UBE2E2: variants seen among roughly 807,000 people sequenced by gnomAD.
The protein encoded by UBE2E2 is ubiquitin conjugating enzyme E2 E2, also known as ubiquitin-conjugating enzyme E2 E2.
UBE2E2 carries 6 observed loss-of-function variants against 24.7 expected under a neutral mutation model. The ratio of observed to expected loss-of-function variants is 0.24; its 90% CI spans 0.13 to 0.48. The LOEUF (loss-of-function observed/expected upper bound fraction) is 0.48. Ranked by LOEUF, UBE2E2 falls within the 20% of genes least tolerant of loss-of-function variation. UBE2E2 has a pLI of 0.99. For synonymous variants in UBE2E2, 104 were observed against 83.6 expected, an observed-to-expected ratio of 1.24 and a Z score of -1.33; for missense variants, 169 against 245.0, an observed-to-expected ratio of 0.69 and a Z score of 2.07.
chr3:23,245,027 T>G (rs917575140), intron 3 of UBE2E2, among the ~76,000 whole-genome samples: 3 of 152,164 alleles, frequency 2.0e-5, no homozygotes, highest in African/African-American at 7.2e-5. Context: ...ATACTCCTTA[T>G]TTTCTTCTTA....
chr3:23,338,677 A>G (rs76552979), intron 3 of UBE2E2, among the ~76,000 whole-genome samples: 4,381 of 152,244 alleles, frequency 0.029, 108 homozygotes, highest in East Asian at 0.13. Flanking sequence ...TGTCAAAAGA[A>G]TGTATGAGCC....
At chr3:23,482,981 C>A (rs1699288516) in intron 3 of UBE2E2, among the ~76,000 whole-genome samples, 1 of 152,116 alleles carries the variant, frequency 6.6e-6, no homozygotes, top group African/African-American at 2.4e-5. Flanking sequence ...TTAGGACATA[C>A]CTATAATTTC....
intron 3 of UBE2E2, among the ~76,000 whole-genome samples, chr3:23,264,006 A>C (rs1456712117): frequency 6.6e-6 from 1 of 152,196 alleles, no homozygotes; most frequent in Non-Finnish European, 1.5e-5. Context: ...ATAACAGTTA[A>C]CATTACTGAG....
At chr3:23,520,946 GT>G (rs201561009) in intron 4 of UBE2E2, among the ~76,000 whole-genome samples, 75 of 151,410 alleles carry the variant, frequency 5.0e-4, no homozygotes, top group African/African-American at 1.4e-3. Flanking sequence ...CCCAGCTCAT[GT>G]TTTTTTTTAT....
At chr3:23,271,094 T>C in intron 3 of UBE2E2, 1 of 450,694 alleles carries the variant, frequency 2.2e-6, no homozygotes, top group South Asian at 1.6e-5. Context: ...ATAGCAGTAA[T>C]GAAGAGAAAT....
intron 3 of UBE2E2, among the ~76,000 whole-genome samples, chr3:23,272,145 G>C (rs1011786218): frequency 6.6e-6 from 1 of 152,192 alleles, no homozygotes; most frequent in African/African-American, 2.4e-5. Context: ...GCCATGGCGG[G>C]CTGCAGGTCC....
chr3:23,527,796 C>T (rs1695033459), intron 4 of UBE2E2, among the ~76,000 whole-genome samples: 1 of 152,146 alleles, frequency 6.6e-6, no homozygotes, highest in Admixed American at 6.5e-5. Flanking sequence ...CCCAAGAGGG[C>T]ATGGCAACTC....
At chr3:23,222,528 T>TA (rs1372245742) in intron 3 of UBE2E2, among the ~76,000 whole-genome samples, 1 of 152,180 alleles carries the variant, frequency 6.6e-6, no homozygotes, top group Non-Finnish European at 1.5e-5. Flanking sequence ...CTGATGGTTT[T>TA]ATAAGGGGAA....
At chr3:23,260,801 T>C (rs1408338124) in intron 3 of UBE2E2, among the ~76,000 whole-genome samples, 3 of 151,742 alleles carry the variant, frequency 2.0e-5, no homozygotes, top group South Asian at 4.2e-4. Flanking sequence ...CAGGTGGGGG[T>C]TGGAGGGAGA....
At chr3:23,281,433 C>G (rs1039906675) in intron 3 of UBE2E2, among the ~76,000 whole-genome samples, 3 of 152,114 alleles carry the variant, frequency 2.0e-5, no homozygotes, top group African/African-American at 7.2e-5. Flanking sequence ...AAGTTTGAGA[C>G]CAGCCTGGGC....
chr3:23,417,291 C>T (rs1462963745), intron 3 of UBE2E2, among the ~76,000 whole-genome samples: 4 of 152,176 alleles, frequency 2.6e-5, no homozygotes, highest in Non-Finnish European at 4.4e-5. Flanking sequence ...TGTTCATTTT[C>T]CTTCTAACAG....
chr3:23,451,448 G>T (rs1247091767), intron 3 of UBE2E2, among the ~76,000 whole-genome samples: 1 of 152,136 alleles, frequency 6.6e-6, no homozygotes, highest in Non-Finnish European at 1.5e-5. Context: ...AGTAATTTGA[G>T]CAGGGTTGCT....
chr3:23,221,660 G>T (rs1172783774), intron 3 of UBE2E2, among the ~76,000 whole-genome samples: 1 of 151,596 alleles, frequency 6.6e-6, no homozygotes, highest in African/African-American at 2.4e-5. Flanking sequence ...TTCTGAGACG[G>T]AGTTTCGCTC....
chr3:23,466,400 G>A (rs2125429814), intron 3 of UBE2E2, among the ~76,000 whole-genome samples: 1 of 152,222 alleles, frequency 6.6e-6, no homozygotes, highest in Non-Finnish European at 1.5e-5. Flanking sequence ...TGATCATCCT[G>A]CCTTTGTGGC....
intron 4 of UBE2E2, among the ~76,000 whole-genome samples, chr3:23,505,406 A>G (rs1694423427): frequency 6.6e-6 from 1 of 152,150 alleles, no homozygotes; most frequent in African/African-American, 2.4e-5. Flanking sequence ...TAGGTAGGTG[A>G]GAGAGTCACT....
intron 3 of UBE2E2, among the ~76,000 whole-genome samples, chr3:23,226,305 G>A (rs920677965): frequency 2.6e-5 from 4 of 152,104 alleles, no homozygotes; most frequent in African/African-American, 4.8e-5. Flanking sequence ...GTCTGTATGC[G>A]TGATCTCTAC....
chr3:23,549,347 A>G (rs1401569233), intron 5 of UBE2E2, among the ~76,000 whole-genome samples: 1 of 152,232 alleles, frequency 6.6e-6, no homozygotes, highest in Admixed American at 6.5e-5. Flanking sequence ...ATGCCCTTGC[A>G]TGCATCTTTT....
At chr3:23,440,308 A>G (rs376682243) in intron 3 of UBE2E2, among the ~76,000 whole-genome samples, 151 of 152,240 alleles carry the variant, frequency 9.9e-4, no homozygotes, top group South Asian at 2.9e-3. Flanking sequence ...GGGTCTCACT[A>G]TGTTGCCCAG....
intron 3 of UBE2E2, among the ~76,000 whole-genome samples, chr3:23,282,452 A>G (rs1455296484): frequency 6.6e-6 from 1 of 152,224 alleles, no homozygotes; most frequent in African/African-American, 2.4e-5. Flanking sequence ...AAAGCAAAGC[A>G]CACACACAAA....
Sources: allele counts gnomAD v4.1 joint callset (sites outside exome capture counted in the v4.1 genomes callset), GRCh38; gene constraint gnomAD v4.1.1; transcripts MANE v1.5; gene names NCBI Gene and HGNC (gene_info 2026-07-23, HGNC 2026-07-21).